Variants in ZNF654 observed in about 807,000 individuals in gnomAD.
The protein encoded by ZNF654 is melanoma-associated antigen.
A neutral mutation model predicts 95.3 loss-of-function variants in ZNF654; 19 were observed. The ratio of observed to expected loss-of-function variants is 0.20; its 90% CI spans 0.14 to 0.29. The LOEUF (loss-of-function observed/expected upper bound fraction) is 0.29, where lower values mean the gene tolerates loss of function less well. ZNF654 is among the 10% of genes least tolerant of loss of function. The probability of loss-of-function intolerance (pLI) is 1.00; values close to 1 mark genes in which losing one functional copy is unlikely to be tolerated. For missense variants in ZNF654, 1,046 were observed against 1,341.0 expected (o/e 0.78, Z 3.44); for synonymous variants, 413 against 457.9 (o/e 0.90, Z 1.25).
intron 2 of ZNF654, among the ~76,000 whole-genome samples, chr3:88,104,690 A>G (rs1704627051): frequency 6.6e-6 from 1 of 152,216 alleles, no homozygotes; most frequent in Non-Finnish European, 1.5e-5. Context: ...ACCGCTAAAA[A>G]CAGGTGAATG....
At chr3:88,116,105 A>G (rs1705373182) in intron 3 of ZNF654, among the ~76,000 whole-genome samples, 1 of 152,108 alleles carries the variant, frequency 6.6e-6, no homozygotes. Context: ...AGGAAATAGC[A>G]GGTGGTAGGG....
chr3:88,082,347 G>A (rs144202321), intron 1 of ZNF654, among the ~76,000 whole-genome samples: 6,406 of 152,198 alleles, frequency 0.042, 173 homozygotes, highest in Middle Eastern at 0.082. Flanking sequence ...GGATGGTCTC[G>A]ATCTCTTGAC....
chr3:88,087,318 G>A (rs1319316865), intron 2 of ZNF654, among the ~76,000 whole-genome samples: 2 of 152,090 alleles, frequency 1.3e-5, no homozygotes, highest in African/African-American at 4.8e-5. Context: ...CAGGTGATCT[G>A]CCCACCTTGG....
intron 2 of ZNF654, among the ~76,000 whole-genome samples, chr3:88,109,362 T>C (rs1313762327): frequency 6.6e-6 from 1 of 152,154 alleles, no homozygotes; most frequent in African/African-American, 2.4e-5. Context: ...TTAGTATATA[T>C]AGAAAGAGTT....
chr3:88,144,039 A>G lies in ZNF654; in HGVS notation c.*2387A>G, dbSNP rs1373087765. 1.3e-5 allele frequency: 2 copies of G among 152,286 alleles called. No individual in the cohort carries two copies. The highest frequency in any genetic ancestry group is 3.0e-5 in the Non-Finnish European group (2 of 67,774). 9.4% of individuals were successfully genotyped at this position (152,286 alleles called of 1,614,324 possible). A position where few individuals can be genotyped will look rare whatever the true frequency, so the allele number is the denominator to read the frequency against. Reference sequence around the variant, plus strand: ...TTGAGGATGTATTCATCCTACATGGACCAAGTTTCAAATCTTTGTTTTTAA... The same window carrying G: ...TTGAGGATGTATTCATCCTACATGGGCCAAGTTTCAAATCTTTGTTTTTAA... On this transcript the variant is annotated 3_prime_UTR_variant, in exon 9 of 9. Transcript: ENST00000636215.
At chr3:88,071,472 ATCT>A (rs1486709686) in intron 1 of ZNF654, among the ~76,000 whole-genome samples, 6 of 152,136 alleles carry the variant, frequency 3.9e-5, no homozygotes, top group African/African-American at 1.4e-4. Flanking sequence ...GTGAAACCCC[ATCT>A]CTACTAAAAA....
chr3:88,073,559 A>G (rs1707633882), intron 1 of ZNF654, among the ~76,000 whole-genome samples: 2 of 152,226 alleles, frequency 1.3e-5, no homozygotes, highest in South Asian at 4.1e-4. Context: ...TATTATGTAT[A>G]CTAAAGTACT....
intron 2 of ZNF654, 64 bp downstream of exon 2, chr3:88,086,466 G>T (rs1708339111): frequency 1.5e-6 from 2 of 1,306,160 alleles, no homozygotes; most frequent in Non-Finnish European, 2.0e-6. Context: ...ATTTGTTTTT[G>T]ATAATTTCTT....
At chr3:88,089,084 G>T (rs1446374683) in intron 2 of ZNF654, among the ~76,000 whole-genome samples, 1 of 149,552 alleles carries the variant, frequency 6.7e-6, no homozygotes, top group Non-Finnish European at 1.5e-5. Flanking sequence ...AAAAAAAACT[G>T]TATTAAAAAA....
intron 7 of ZNF654, 116 bp downstream of exon 7, chr3:88,135,318 G>A: frequency 1.2e-6 from 1 of 823,244 alleles, no homozygotes; most frequent in Non-Finnish European, 1.7e-6. Flanking sequence ...AGGATTTTAA[G>A]GCCACATTCT....
chr3:88,134,913 G>T (rs1337450655), intron 6 of ZNF654, 148 bp from the exon 7 acceptor site: 5 of 445,100 alleles, frequency 1.1e-5, no homozygotes, highest in African/African-American at 8.1e-5. Flanking sequence ...TCTCATATAG[G>T]TAGAAGAAGT....
chr3:88,097,715 C>A (rs764054228), intron 2 of ZNF654, among the ~76,000 whole-genome samples: 4 of 152,136 alleles, frequency 2.6e-5, no homozygotes, highest in Non-Finnish European at 4.4e-5. Context: ...AACTGAACAA[C>A]CGGCTCCTGA....
chr3:88,065,856 C>T (rs915640385), intron 1 of ZNF654, among the ~76,000 whole-genome samples: 1 of 152,072 alleles, frequency 6.6e-6, no homozygotes, highest in Admixed American at 6.5e-5. Context: ...CAGCCCCCAC[C>T]CCCAGTAGCT....
intron 1 of ZNF654, among the ~76,000 whole-genome samples, chr3:88,064,205 C>T (rs1707065259): frequency 1.3e-5 from 2 of 151,784 alleles, no homozygotes; most frequent in South Asian, 4.2e-4. Context: ...CTATCACTGG[C>T]AACTCTTTCA....
At chr3:88,098,533 G>T (rs1023373912) in intron 2 of ZNF654, among the ~76,000 whole-genome samples, 3 of 152,090 alleles carry the variant, frequency 2.0e-5, no homozygotes, top group African/African-American at 7.2e-5. Context: ...AACAAAAAAT[G>T]AGAATTTTAG....
At chr3:88,064,706 A>C (rs1413698538) in intron 1 of ZNF654, among the ~76,000 whole-genome samples, 1 of 152,204 alleles carries the variant, frequency 6.6e-6, no homozygotes, top group African/African-American at 2.4e-5. Flanking sequence ...ATCTGTAGAT[A>C]TCTCTCCTTT....
In ZNF654 at chr3:88,144,562, CTG is replaced by C. The variant is rs1707265613; in HGVS notation, c.*2911_*2912del. ...CATTTTATAAGAGTACAAATTAAAA[CTG>C]AGCCATTGAACTGCAATAAATCAAC... On this transcript the variant is annotated 3_prime_UTR_variant, in exon 9 of 9. Transcript: ENST00000636215. 6.6e-6 allele frequency: 1 copy of C among 152,326 alleles called. No individual in the cohort carries two copies. Among genetic ancestry groups the C allele is most frequent in the South Asian group, 2.1e-4 (1 of 4,828 alleles). The allele number at this position is 152,326 out of a possible 1,614,324, so 9.4% of individuals were successfully genotyped here. A position where few individuals can be genotyped will look rare whatever the true frequency, so the allele number is the denominator to read the frequency against.
chr3:88,120,850 T>TA (rs1342681557), intron 3 of ZNF654, among the ~76,000 whole-genome samples: 1 of 152,158 alleles, frequency 6.6e-6, no homozygotes, highest in African/African-American at 2.4e-5. Flanking sequence ...TTTTCAAAAT[T>TA]ACTGTATCAC....
chr3:88,134,083 A>T (rs984023453), intron 6 of ZNF654, among the ~76,000 whole-genome samples: 1 of 151,394 alleles, frequency 6.6e-6, no homozygotes, highest in Non-Finnish European at 1.5e-5. Context: ...ACCTTGTGAG[A>T]GTTCTAAAAG....
Sources: allele counts gnomAD v4.1 joint callset (sites outside exome capture counted in the v4.1 genomes callset), GRCh38; gene constraint gnomAD v4.1.1; transcripts MANE v1.5; gene names NCBI Gene and HGNC (gene_info 2026-07-23, HGNC 2026-07-21).